The following ANGPT1 variants were observed in gnomAD, a reference collection of about 807,000 sequenced individuals.
The protein encoded by ANGPT1 is angiopoietin 1.
A neutral mutation model predicts 62.2 loss-of-function variants in ANGPT1; 17 were observed. The observed-to-expected ratio is 0.27, with a 90% CI of 0.19 to 0.41. ANGPT1 has a LOEUF of 0.41. ANGPT1 is among the 10% of genes least tolerant of loss of function. The pLI, the probability that ANGPT1 is intolerant of heterozygous loss-of-function variation, is 1.00. For synonymous variants in ANGPT1, 199 were observed against 198.9 expected (o/e 1.00, Z 0.00); for missense variants, 478 against 594.9 (o/e 0.80, Z 2.04).
chr8:107,357,568 G>C (rs1282553047), intron 1 of ANGPT1, among the ~76,000 whole-genome samples: 1 of 152,098 alleles, frequency 6.6e-6, no homozygotes, highest in African/African-American at 2.4e-5. Context: ...CTCTCCACCA[G>C]ATAATTCTTC....
intron 5 of ANGPT1, among the ~76,000 whole-genome samples, chr8:107,302,786 T>C (rs982942159): frequency 2.0e-5 from 3 of 151,962 alleles, no homozygotes; most frequent in East Asian, 3.9e-4. Flanking sequence ...TGAAGTAAGA[T>C]AGGAAATGTT....
chr8:107,372,910 C>T (rs571721494), intron 1 of ANGPT1, among the ~76,000 whole-genome samples: 1 of 151,998 alleles, frequency 6.6e-6, no homozygotes. Flanking sequence ...GGCTCAATTT[C>T]TCTGCCTCAG....
intron 7 of ANGPT1, among the ~76,000 whole-genome samples, chr8:107,276,184 G>C (rs1329544759): frequency 6.6e-6 from 1 of 152,022 alleles, no homozygotes; most frequent in Non-Finnish European, 1.5e-5. Flanking sequence ...CTCTGTTTTA[G>C]GAAGTAACCA....
At chr8:107,420,675 T>C (rs758021182) in intron 1 of ANGPT1, among the ~76,000 whole-genome samples, 1 of 152,174 alleles carries the variant, frequency 6.6e-6, no homozygotes, top group South Asian at 2.1e-4. Flanking sequence ...ACTTTTGTTA[T>C]CAATCTGTTA....
chr8:107,295,760 C>G (rs1227758498), intron 5 of ANGPT1, among the ~76,000 whole-genome samples: 2 of 152,030 alleles, frequency 1.3e-5, no homozygotes, highest in Admixed American at 6.6e-5. Flanking sequence ...AAAAGTTTAT[C>G]GAGCACTTCG....
At position 107,352,364 on chromosome 8, in the gene ANGPT1, A is replaced by C. The variant is rs1017376554; in HGVS notation, c.298-5267T>G. 6.6e-5 allele frequency among the ~76,000 whole-genome samples: 10 copies of C among 152,172 alleles called. No individual in the cohort carries two copies. The East Asian group carries it at 1.7e-3, about 26-fold the overall frequency. ...TTAGTATTAAGTAGGCAAAGAAAAC[A>C]TATTTTTAAGAAGGTAATATAATCA... On this transcript the variant is annotated intron_variant, in intron 1 of 8. Transcript: ENST00000517746.
chr8:107,390,073 C>A (rs919713137), intron 1 of ANGPT1, among the ~76,000 whole-genome samples: 1 of 152,154 alleles, frequency 6.6e-6, no homozygotes, highest in Non-Finnish European at 1.5e-5. Context: ...TAACTGCATT[C>A]CCTTTCAGGT....
intron 4 of ANGPT1, among the ~76,000 whole-genome samples, chr8:107,306,894 T>C (rs953874856): frequency 2.0e-5 from 3 of 150,322 alleles, no homozygotes; most frequent in African/African-American, 7.3e-5. Context: ...AAATTAAAAA[T>C]TAAAAAAAAA....
intron 4 of ANGPT1, among the ~76,000 whole-genome samples, chr8:107,308,009 A>G (rs1814761111): frequency 6.6e-6 from 1 of 152,100 alleles, no homozygotes; most frequent in Admixed American, 6.5e-5. Context: ...TTTTTTTCTA[A>G]TAAGACAATT....
intron 7 of ANGPT1, among the ~76,000 whole-genome samples, chr8:107,279,105 C>T (rs987051715): frequency 2.0e-5 from 3 of 152,086 alleles, no homozygotes; most frequent in Non-Finnish European, 4.4e-5. Context: ...AATAAATCTG[C>T]TATTATTAAA....
intron 1 of ANGPT1, among the ~76,000 whole-genome samples, chr8:107,457,193 C>T (rs1811941593): frequency 6.6e-6 from 1 of 152,014 alleles, no homozygotes; most frequent in Non-Finnish European, 1.5e-5. Context: ...CACATTGATA[C>T]ATGTCACTAC....
intron 1 of ANGPT1, among the ~76,000 whole-genome samples, chr8:107,417,131 T>C (rs1378518131): frequency 1.3e-5 from 2 of 151,942 alleles, no homozygotes; most frequent in African/African-American, 2.4e-5. Context: ...AAGATTAGAG[T>C]ATATTTTTAG....
At chr8:107,474,793 GACAA>G (rs1188784356) in intron 1 of ANGPT1, among the ~76,000 whole-genome samples, 2 of 152,132 alleles carry the variant, frequency 1.3e-5, no homozygotes, top group Non-Finnish European at 2.9e-5. Context: ...ACCAATGGTA[GACAA>G]ACAGAGAGCC....
At chr8:107,290,844 A>C (rs1814255980) in intron 6 of ANGPT1, among the ~76,000 whole-genome samples, 1 of 152,194 alleles carries the variant, frequency 6.6e-6, no homozygotes, top group Non-Finnish European at 1.5e-5. Context: ...TAATGAAAAA[A>C]GAATTGCTTA....
chr8:107,377,990 C>T lies in ANGPT1; in HGVS notation c.298-30893G>A, dbSNP rs80138533. Among the ~76,000 whole-genome samples the T allele has an allele frequency of 3.7e-3, 570 of 152,160 alleles. 5 individuals carry two copies. Among genetic ancestry groups the T allele is most frequent in the African/African-American group, 0.013 (549 of 41,510 alleles). ...TGGCATACACTGCAGCTTAAGATAT[C>T]CAAATGACTTAGCAGCAGAGCCAAG... On this transcript the variant is annotated intron_variant, in intron 1 of 8. Coordinates refer to ENST00000517746, the MANE Select transcript of ANGPT1 (RefSeq NM_001146.5).
chr8:107,434,505 A>C (rs1811283472), intron 1 of ANGPT1, among the ~76,000 whole-genome samples: 1 of 152,208 alleles, frequency 6.6e-6, no homozygotes, highest in African/African-American at 2.4e-5. Flanking sequence ...AGTCCAGGGG[A>C]ATAAGCTCAA....
intron 1 of ANGPT1, among the ~76,000 whole-genome samples, chr8:107,420,813 GT>G (rs1810878015): frequency 6.6e-6 from 1 of 151,890 alleles, no homozygotes; most frequent in Non-Finnish European, 1.5e-5. Context: ...GTATCATCCT[GT>G]TTTTTTAGCT....
chr8:107,322,376 C>T (rs887205992), intron 3 of ANGPT1, among the ~76,000 whole-genome samples: 2 of 152,052 alleles, frequency 1.3e-5, no homozygotes, highest in Admixed American at 1.3e-4. Context: ...GATTTAGTTT[C>T]TTGGTTTCCT....
intron 1 of ANGPT1, among the ~76,000 whole-genome samples, chr8:107,348,351 G>C (rs1481112257): frequency 6.6e-6 from 1 of 152,110 alleles, no homozygotes; most frequent in Non-Finnish European, 1.5e-5. Flanking sequence ...CCTTTGTAAA[G>C]CTTTGGCAGC....
Sources: allele counts gnomAD v4.1 joint callset (sites outside exome capture counted in the v4.1 genomes callset), GRCh38; gene constraint gnomAD v4.1.1; transcripts MANE v1.5; gene names NCBI Gene and HGNC (gene_info 2026-07-23, HGNC 2026-07-21).